The following TTC28 variants were observed in gnomAD, a reference collection of about 807,000 sequenced individuals.
TTC28 encodes tetratricopeptide repeat domain 28.
In TTC28, 61 loss-of-function variants were observed where a neutral mutation model predicts 198.0. The ratio of observed to expected loss-of-function variants is 0.31; its 90% confidence interval spans 0.25 to 0.38. TTC28 has a LOEUF of 0.38. TTC28 is among the 10% of genes least tolerant of loss of function. The pLI, the probability that TTC28 is intolerant of heterozygous loss-of-function variation, is 1.00. For synonymous variants in TTC28, 1,171 were observed against 1,297.8 expected, an observed-to-expected ratio of 0.90 and a Z score of 2.10; for missense variants, 2,678 against 3,164.0, an observed-to-expected ratio of 0.85 and a Z score of 3.69.
chr22:28,261,531 G>A (rs1931320870), intron 5 of TTC28, among the ~76,000 whole-genome samples: 1 of 152,126 alleles, frequency 6.6e-6, no homozygotes, highest in Admixed American at 6.6e-5. Context: ...ATAGTTTTGA[G>A]CAGCAAAGAG....
At chr22:28,383,678 T>G (rs1569294955) in intron 2 of TTC28, among the ~76,000 whole-genome samples, 1 of 152,222 alleles carries the variant, frequency 6.6e-6, no homozygotes, top group Non-Finnish European at 1.5e-5. Context: ...AGTCCTACTT[T>G]CAAAAAGATA....
At chr22:28,639,692 C>T (rs1359410238) in intron 1 of TTC28, among the ~76,000 whole-genome samples, 1 of 152,194 alleles carries the variant, frequency 6.6e-6, no homozygotes, top group Non-Finnish European at 1.5e-5. Flanking sequence ...TGACTTCCTC[C>T]TTGCTTTCCA....
chr22:28,598,521 A>C (rs2050580595), intron 2 of TTC28, among the ~76,000 whole-genome samples: 1 of 151,270 alleles, frequency 6.6e-6, no homozygotes. Flanking sequence ...AAAAAAAAAA[A>C]AAAAAAAAAA....
chr22:28,584,061 C>G (rs560625688), intron 2 of TTC28, among the ~76,000 whole-genome samples: 1 of 147,482 alleles, frequency 6.8e-6, no homozygotes, highest in African/African-American at 2.5e-5. Flanking sequence ...CTGACTGCAG[C>G]CTGAAACTCC....
chr22:28,040,929 C>A (rs1939605775), intron 12 of TTC28, among the ~76,000 whole-genome samples: 1 of 152,100 alleles, frequency 6.6e-6, no homozygotes, highest in East Asian at 1.9e-4. Context: ...ACAAGCATTC[C>A]TCTACACCAA....
intron 19 of TTC28, 139 bp from the exon 20 acceptor site, chr22:27,990,951 G>T: frequency 1.2e-6 from 1 of 840,448 alleles, no homozygotes; most frequent in Non-Finnish European, 1.8e-6. Context: ...ACTGGGAGGG[G>T]AGAGGAGCAA....
At chr22:28,603,414 G>A (rs5752763) in intron 2 of TTC28, among the ~76,000 whole-genome samples, 69,704 of 151,266 alleles carry the variant, frequency 0.46, 18,478 homozygotes, top group South Asian at 0.65. Flanking sequence ...TTGAGACAGG[G>A]CTTCACTCTG....
intron 2 of TTC28, among the ~76,000 whole-genome samples, chr22:28,372,654 C>T (rs1451391785): frequency 6.6e-6 from 1 of 152,020 alleles, no homozygotes; most frequent in Non-Finnish European, 1.5e-5. Flanking sequence ...AAGGGCCAGG[C>T]CAGGGACTCG....
At chr22:28,487,969 A>T (rs1479326213) in intron 2 of TTC28, among the ~76,000 whole-genome samples, 1 of 152,190 alleles carries the variant, frequency 6.6e-6, no homozygotes, top group Non-Finnish European at 1.5e-5. Context: ...GCCTTGAAAC[A>T]TACTTTAAAA....
chr22:28,163,200 T>C lies in TTC28; in HGVS notation c.1333A>G (p.Arg445Gly). Residue 445 changes from arginine to glycine, a missense_variant, in exon 6 of 23, where the codon AGG becomes GGG. Arg to Gly is a moderately radical substitution (Grantham distance 125). Coordinates refer to ENST00000397906, the MANE Select transcript of TTC28 (RefSeq NM_001145418.2). ...RAYAGLGHAARCMQDLERAKQ... is the reference protein window; with the variant it reads ...RAYAGLGHAAGCMQDLERAKQ... ...GCTCTCTCCAAATCCTGCATGCACC[T>C]GGCAGCATGGCCTAGTCCAGCATAG... 1 of 1,551,738 alleles carries C rather than the reference T, an allele frequency of 6.4e-7. No individual in the cohort carries two copies. The highest frequency in any genetic ancestry group is 8.7e-7 in the Non-Finnish European group (1 of 1,147,006).
intron 12 of TTC28, among the ~76,000 whole-genome samples, chr22:28,040,618 C>T (rs1218249677): frequency 6.6e-6 from 1 of 152,210 alleles, no homozygotes; most frequent in East Asian, 1.9e-4. Flanking sequence ...CACAAACCCA[C>T]AGCCAATACC....
At chr22:28,676,567 T>C (rs2051992912) in intron 1 of TTC28, among the ~76,000 whole-genome samples, 1 of 152,192 alleles carries the variant, frequency 6.6e-6, no homozygotes, top group South Asian at 2.1e-4. Flanking sequence ...TAAAAAGACA[T>C]ATCTGTATAA....
chr22:28,025,446 G>A (rs1938793701), intron 13 of TTC28, among the ~76,000 whole-genome samples: 1 of 152,214 alleles, frequency 6.6e-6, no homozygotes, highest in Non-Finnish European at 1.5e-5. Flanking sequence ...CCTCTGCACT[G>A]TGTGCCTCAC....
chr22:28,048,319 C>A (rs1270986449), intron 12 of TTC28, among the ~76,000 whole-genome samples: 1 of 152,090 alleles, frequency 6.6e-6, no homozygotes, highest in Non-Finnish European at 1.5e-5. Flanking sequence ...AGAATGCAGA[C>A]AAACATGCCT....
intron 5 of TTC28, among the ~76,000 whole-genome samples, chr22:28,256,822 T>C (rs896825568): frequency 2.0e-5 from 3 of 152,238 alleles, no homozygotes; most frequent in Non-Finnish European, 4.4e-5. Context: ...GAGCATTGCT[T>C]GAGGCCAGAA....
intron 5 of TTC28, among the ~76,000 whole-genome samples, chr22:28,197,635 G>A (rs915624720): frequency 2.6e-4 from 40 of 151,888 alleles, no homozygotes; most frequent in African/African-American, 8.2e-4. Context: ...TCAAAAACAC[G>A]AAAATATTGT....
At chr22:28,632,253 CTTTTTT>C (rs765447917) in intron 1 of TTC28, among the ~76,000 whole-genome samples, 2 of 49,698 alleles carry the variant, frequency 4.0e-5, no homozygotes, top group Non-Finnish European at 7.1e-5. Context: ...TTATATTCAA[CTTTTTT>C]TTTTTTTTTT....
intron 2 of TTC28, among the ~76,000 whole-genome samples, chr22:28,348,497 C>G (rs2045944468): frequency 6.6e-6 from 1 of 152,120 alleles, no homozygotes; most frequent in Non-Finnish European, 1.5e-5. Flanking sequence ...ATAAAGCATA[C>G]AGATTTTATA....
intron 2 of TTC28, among the ~76,000 whole-genome samples, chr22:28,368,123 T>C (rs943582722): frequency 3.0e-4 from 45 of 152,050 alleles, no homozygotes; most frequent in African/African-American, 1.1e-3. Context: ...TACAGGCCAA[T>C]ATCTCTGATA....
Sources: allele counts gnomAD v4.1 joint callset (sites outside exome capture counted in the v4.1 genomes callset), GRCh38; gene constraint gnomAD v4.1.1; transcripts MANE v1.5; gene names NCBI Gene and HGNC (gene_info 2026-07-23, HGNC 2026-07-21).